Variants in DDB2 observed in about 807,000 individuals in gnomAD.
DDB2 encodes damage specific DNA binding protein 2, also known as DNA damage-binding protein 2.
A neutral mutation model predicts 50.5 loss-of-function variants in DDB2; 27 were observed. The ratio of observed to expected loss-of-function variants is 0.53; its 90% confidence interval spans 0.39 to 0.74. The LOEUF (loss-of-function observed/expected upper bound fraction) is 0.74, where lower values mean the gene tolerates loss of function less well. Among genes scored for constraint, DDB2 ranks in the 30% least tolerant of loss-of-function variants. The pLI is 0.00. For synonymous variants in DDB2, 176 were observed against 205.5 expected (o/e 0.86, Z 1.23); for missense variants, 424 against 545.6 (o/e 0.78, Z 2.22).
chr11:47,215,140 G>T lies in DDB2; in HGVS notation c.4G>T (p.Ala2Ser), dbSNP rs1488799247. The T allele has an allele frequency of 1.2e-6, 2 of 1,614,048 alleles. No homozygotes were observed. The highest frequency in any genetic ancestry group is 1.7e-6 in the Non-Finnish European group (2 of 1,180,018). The change falls in exon 1 of 10, where the codon GCT (alanine) becomes TCT (serine). Residue 2 changes from alanine (A) to serine (S), a missense_variant. Physicochemically the swap from Ala to Ser is moderately conservative, Grantham distance 99. Coordinates refer to ENST00000256996, the MANE Select transcript of DDB2 (RefSeq NM_000107.3). M[A>S]PKKRPETQKT... ...ACCCCTTCACACGGAGGACGCGATG[G>T]CTCCCAAGAAACGCCCAGAAACCCA...
rs763722415 is a variant in DDB2 at position 47,235,286 on chromosome 11, T to C, written c.897T>C (p.Asp299=). Residue 299 remains aspartate, a synonymous_variant, in exon 7 of 10, where the codon GAT becomes GAC. Coordinates refer to ENST00000256996, the MANE Select transcript of DDB2 (RefSeq NM_000107.3). ...HPVNAACFSP[D]GARLLTTDQK... is the part of the protein sequence containing the mutation. ...CTTTGCCAGCTTGTTTCAGTCCCGATGGAGCCCGGCTCCTGACCACGGACC... is the reference window on the plus strand; with the variant it reads ...CTTTGCCAGCTTGTTTCAGTCCCGACGGAGCCCGGCTCCTGACCACGGACC... 6 of 1,614,244 alleles carry C rather than the reference T, an allele frequency of 3.7e-6. 1 individual carries two copies. In the South Asian group the frequency reaches 6.6e-5, roughly 18 times the overall value.
chr11:47,235,481 A>C (rs1953713367), intron 7 of DDB2, 69 bp downstream of exon 7: 1 of 1,542,684 alleles, frequency 6.5e-7, no homozygotes, highest in Admixed American at 1.9e-5. Flanking sequence ...GTCTGCCCAC[A>C]GTGGGGAAGG....
chr11:47,223,333 A>G (rs570615265), intron 3 of DDB2, among the ~76,000 whole-genome samples: 83 of 152,254 alleles, frequency 5.5e-4, no homozygotes, highest in African/African-American at 1.9e-3. Context: ...AAAAATACAA[A>G]AATTAGCTGG....
At position 47,216,962 on chromosome 11, in the gene DDB2, C is replaced by T. The variant is rs772637982; in HGVS notation, c.369C>T (p.His123=). ...RATSLAWHPT[H]PSTVAVGSKG... is the part of the protein sequence containing the mutation. ...CATCCTTGGCGTGGCACCCAACTCA[C>T]CCCAGCACCGTGGCTGTGGGTTCCA... Residue 123 remains histidine (H), a synonymous_variant, in exon 3 of 10, where the codon CAC becomes CAT. Coordinates refer to ENST00000256996, the MANE Select transcript of DDB2 (RefSeq NM_000107.3). 6.2e-7 allele frequency: 1 copy of T among 1,613,978 alleles called. No homozygotes were observed. Among genetic ancestry groups the T allele is most frequent in the African/African-American group, 1.3e-5 (1 of 74,924 alleles).
At chr11:47,234,697 T>C in intron 5 of DDB2, 25 bp downstream of exon 5, 19 of 1,613,802 alleles carry the variant, frequency 1.2e-5, no homozygotes, top group Non-Finnish European at 1.5e-5. Context: ...GTCCTGCCTT[T>C]CCCTCCCTCA....
intron 4 of DDB2, among the ~76,000 whole-genome samples, 189 bp from the exon 5 acceptor site, chr11:47,234,384 C>G (rs941539921): frequency 6.6e-6 from 1 of 152,176 alleles, no homozygotes; most frequent in Non-Finnish European, 1.5e-5. Flanking sequence ...CCCATTATCC[C>G]ATCCCCTCTG....
intron 3 of DDB2, among the ~76,000 whole-genome samples, chr11:47,226,970 A>T (rs573391037): frequency 1.3e-5 from 2 of 151,196 alleles, no homozygotes; most frequent in African/African-American, 4.9e-5. Flanking sequence ...GTTAAAAAAA[A>T]ATTTTTTTTT....
At chr11:47,216,022 C>A in intron 1 of DDB2, 1 of 449,666 alleles carries the variant, frequency 2.2e-6, no homozygotes, top group Non-Finnish European at 4.1e-6. Context: ...GTTTTGCAGC[C>A]CAAACTGGGA....
chr11:47,235,562 C>G, intron 7 of DDB2, 150 bp downstream of exon 7: 1 of 747,388 alleles, frequency 1.3e-6, no homozygotes, highest in Non-Finnish European at 2.3e-6. Context: ...CCCATTGGCT[C>G]TCTCTCTTCC....
chr11:47,225,771 C>G, intron 3 of DDB2, among the ~76,000 whole-genome samples: 1 of 152,150 alleles, frequency 6.6e-6, no homozygotes, highest in African/African-American at 2.4e-5. Flanking sequence ...GCCTCCACTT[C>G]TCCCTCCCCT....
chr11:47,214,866 C>T, upstream of DDB2: 1 of 519,068 alleles, frequency 1.9e-6, no homozygotes, highest in East Asian at 3.4e-5. Flanking sequence ...CAGTTCCCGC[C>T]CCTCCCGGGA....
chr11:47,234,011 C>T (rs1953687689), intron 4 of DDB2, among the ~76,000 whole-genome samples: 2 of 152,192 alleles, frequency 1.3e-5, no homozygotes, highest in South Asian at 4.1e-4. Flanking sequence ...GTGAGCTGAG[C>T]TCTTCTGGCT....
At chr11:47,231,810 A>G (rs1953653865) in intron 3 of DDB2, among the ~76,000 whole-genome samples, 1 of 152,066 alleles carries the variant, frequency 6.6e-6, no homozygotes, top group African/African-American at 2.4e-5. Context: ...CTCGGTCTAT[A>G]GGACATTCTA....
chr11:47,215,510 G>A (rs1008423293), intron 1 of DDB2: 11 of 540,324 alleles, frequency 2.0e-5, no homozygotes, highest in African/African-American at 1.3e-4. Context: ...TTCCTTGTTC[G>A]TATCAGGGTT....
intron 3 of DDB2, chr11:47,217,535 A>C (rs1953418755): frequency 6.5e-6 from 1 of 153,088 alleles, no homozygotes; most frequent in African/African-American, 2.4e-5. Flanking sequence ...GATGATATAT[A>C]TTTTTCTAAT....
intron 2 of DDB2, 62 bp downstream of exon 2, chr11:47,216,534 T>C: frequency 2.5e-6 from 4 of 1,605,022 alleles, no homozygotes; most frequent in Non-Finnish European, 2.6e-6. Flanking sequence ...TATTGCATGC[T>C]CCCAAATTAG....
intron 7 of DDB2, among the ~76,000 whole-genome samples, chr11:47,237,199 T>G (rs1033804081): frequency 6.6e-6 from 1 of 152,192 alleles, no homozygotes; most frequent in African/African-American, 2.4e-5. Flanking sequence ...TCTGCTTTGT[T>G]GTAGGCCTCT....
In DDB2 at chr11:47,234,868, C is replaced by T. The variant is rs1390091948; in HGVS notation, c.814C>T (p.Leu272=). ...SVDQTVKIWD[L]RQVRGKASFL... is the part of the protein sequence containing the mutation. ...AGATCAAACAGTGAAAATTTGGGAC[C>T]TGCGCCAGGTTAGAGGGAAAGCCAG... Residue 272 remains leucine, a synonymous_variant, in exon 6 of 10, where the codon CTG becomes TTG. Transcript: ENST00000256996. 7.4e-6 allele frequency: 12 copies of T among 1,614,114 alleles called. No homozygotes were observed. Among genetic ancestry groups the T allele is most frequent in the Non-Finnish European group, 8.5e-6 (10 of 1,180,046 alleles).
At chr11:47,218,056 A>T (rs1953426952) in intron 3 of DDB2, among the ~76,000 whole-genome samples, 1 of 151,984 alleles carries the variant, frequency 6.6e-6, no homozygotes, top group Non-Finnish European at 1.5e-5. Context: ...TGGTCTTCTC[A>T]TGGCTGGCGT....
Sources: gnomAD v4.1 joint callset for allele counts (sites outside exome capture counted in the v4.1 genomes callset) on GRCh38, gnomAD v4.1.1 for gene constraint, MANE v1.5 for transcripts, NCBI Gene and HGNC (gene_info 2026-07-23, HGNC 2026-07-21) for gene names.